Variants in CDC7 observed in about 807,000 individuals in gnomAD.
CDC7 encodes the protein cell division cycle 7-related protein kinase.
A neutral mutation model predicts 53.5 loss-of-function variants in CDC7; 34 were observed. That is an observed-to-expected ratio of 0.64 (90% CI 0.48 to 0.85). The LOEUF (loss-of-function observed/expected upper bound fraction) is 0.85, where lower values mean the gene tolerates loss of function less well. Among genes scored for constraint, CDC7 ranks in the 40% least tolerant of loss-of-function variants. The probability of loss-of-function intolerance (pLI) is 0.00; values close to 1 mark genes in which losing one functional copy is unlikely to be tolerated. For synonymous variants in CDC7, 211 were observed against 222.8 expected (o/e 0.95, Z 0.47); for missense variants, 594 against 679.7 (o/e 0.87, Z 1.40).
At chr1:91,501,520 A>C in intron 1 of CDC7, 134 bp from the exon 2 acceptor site, 1 of 559,732 alleles carries the variant, frequency 1.8e-6, no homozygotes, top group Admixed American at 3.1e-5. Context: ...AGACAAGGCC[A>C]CAGTATGCCC....
rs772887412 is a variant in CDC7 at position 91,524,328 on chromosome 1, G to C, written c.1618G>C (p.Asp540His). 17 of 1,613,908 alleles carry C rather than the reference G, an allele frequency of 1.1e-5. No individual in the cohort carries two copies. The South Asian group carries it at 1.9e-4, about 18-fold the overall frequency. The change falls in exon 12 of 12, where the codon GAT becomes CAT. Residue 540 changes from aspartate to histidine, a missense_variant. By Grantham distance (81) the Asp-to-His change is moderately conservative. Transcript: ENST00000234626. Reference sequence around the variant, plus strand: ...TTTAGAAGGCTGGAATGAGGTACCTGATGAAGCTTATGACCTGCTTGATAA... The same window carrying C: ...TTTAGAAGGCTGGAATGAGGTACCTCATGAAGCTTATGACCTGCTTGATAA... ...TNLEGWNEVP[D>H]EAYDLLDKLL...
chr1:91,525,580 G>C lies in CDC7; in HGVS notation c.*1145G>C, dbSNP rs914956336. 1 of 152,076 alleles carries C rather than the reference G, an allele frequency of 6.6e-6. No homozygotes were observed. The highest frequency in any genetic ancestry group is 2.4e-5 in the African/African-American group (1 of 41,442). The allele number at this position is 152,076 out of a possible 1,614,324, so 9.4% of individuals were successfully genotyped here. A position where few individuals can be genotyped will look rare whatever the true frequency, so the allele number is the denominator to read the frequency against. On this transcript the variant is annotated 3_prime_UTR_variant, in exon 12 of 12. Transcript: ENST00000234626. ...TTAGTAGTCATAGAATACAGAAATA[G>C]TTTAGGGACATGTATTCATTTTGTT...
At position 91,508,413 on chromosome 1, in the gene CDC7, A is replaced by G; in HGVS notation, c.335+16A>G. 2 of 1,593,612 alleles carry G rather than the reference A, an allele frequency of 1.3e-6. No homozygotes were observed. The highest frequency in any genetic ancestry group is 1.1e-5 in the South Asian group (1 of 89,214). On this transcript the variant is annotated intron_variant, in intron 4 of 11. Coordinates refer to ENST00000234626, the MANE Select transcript of CDC7 (RefSeq NM_003503.4). ...CAGTGGCTGGGTAGGCAATTTAAAC[A>G]TATTTTAATTGAACTTGTATATAAT...
At chr1:91,504,155 G>T (rs565243141) in intron 2 of CDC7, among the ~76,000 whole-genome samples, 37 of 146,050 alleles carry the variant, frequency 2.5e-4, no homozygotes, top group Non-Finnish European at 4.5e-4. Flanking sequence ...CACTGTCACT[G>T]GAGTGCAGTG....
At chr1:91,508,576 C>T (rs778380425) in intron 4 of CDC7, among the ~76,000 whole-genome samples, 179 bp downstream of exon 4, 3 of 152,144 alleles carry the variant, frequency 2.0e-5, no homozygotes, top group Non-Finnish European at 4.4e-5. Flanking sequence ...TATAGTAATT[C>T]TTTTAGATTG....
Position 91,515,862 on chromosome 1 carries a change from C to G in CDC7, c.1166C>G (p.Pro389Arg). 1 of 1,613,200 alleles carries G rather than the reference C, an allele frequency of 6.2e-7. No homozygotes were observed. Among genetic ancestry groups the G allele is most frequent in the East Asian group, 2.2e-5 (1 of 44,800 alleles). ...GCACCAGAGGTCTTGACAAAGTGCC[C>G]CAATCAAACTACAGGTATGTTGTAC... ...FRAPEVLTKC[P>R]NQTTAIDMWS... Residue 389 changes from proline to arginine, a missense_variant, in exon 10 of 12, where the codon CCC (proline) becomes CGC (arginine). Transcript: ENST00000234626.
intron 11 of CDC7, among the ~76,000 whole-genome samples, chr1:91,523,101 CAG>C (rs1441109892): frequency 6.6e-6 from 1 of 152,060 alleles, no homozygotes; most frequent in African/African-American, 2.4e-5. Context: ...TTTTTAAAAA[CAG>C]ATCTAGTTTG....
chr1:91,508,416 T>C lies in CDC7; in HGVS notation c.335+19T>C. On this transcript the variant is annotated intron_variant, in intron 4 of 11. Coordinates refer to ENST00000234626, the MANE Select transcript of CDC7 (RefSeq NM_003503.4). ...TGGCTGGGTAGGCAATTTAAACATA[T>C]TTTAATTGAACTTGTATATAATTTA... The C allele has an allele frequency of 1.3e-6, 2 of 1,588,230 alleles. No individual in the cohort carries two copies. Among genetic ancestry groups the C allele is most frequent in the East Asian group, 2.2e-5 (1 of 44,508 alleles).
intron 10 of CDC7, among the ~76,000 whole-genome samples, chr1:91,518,282 A>C (rs1233309392): frequency 1.3e-5 from 2 of 152,080 alleles, no homozygotes; most frequent in African/African-American, 4.8e-5. Flanking sequence ...TAAAGTTTCT[A>C]TAGTGGGAAT....
At chr1:91,511,507 A>G in intron 4 of CDC7, 90 bp from the exon 5 acceptor site, 1 of 709,234 alleles carries the variant, frequency 1.4e-6, no homozygotes. Flanking sequence ...ATATGTATGC[A>G]TTGCTAAAAT....
In CDC7 at chr1:91,503,896, T is replaced by A. The variant is rs13447469; in HGVS notation, c.115+2065T>A. Among the ~76,000 whole-genome samples, 1,502 of 152,244 alleles carry A rather than the reference T, an allele frequency of 9.9e-3. 31 individuals are homozygous for A. Among genetic ancestry groups the A allele is most frequent in the African/African-American group, 0.033 (1,383 of 41,562 alleles). ...TCTTATTTCTGATCTCCATTTTTTT[T>A]AATATATATCTTGAATATTGCTCAT... On this transcript the variant is annotated intron_variant, in intron 2 of 11. Transcript: ENST00000234626.
intron 10 of CDC7, among the ~76,000 whole-genome samples, chr1:91,517,653 A>G (rs1667634078): frequency 6.6e-6 from 1 of 152,228 alleles, no homozygotes; most frequent in South Asian, 2.1e-4. Flanking sequence ...GAATGTCATC[A>G]TTATATAAAT....
intron 10 of CDC7, among the ~76,000 whole-genome samples, chr1:91,516,692 T>C (rs1184945532): frequency 2.6e-5 from 4 of 152,188 alleles, no homozygotes; most frequent in African/African-American, 9.6e-5. Flanking sequence ...AATGACCTCT[T>C]AGAATGTAAA....
intron 2 of CDC7, among the ~76,000 whole-genome samples, chr1:91,504,718 T>C (rs1222534030): frequency 6.6e-6 from 1 of 152,188 alleles, no homozygotes; most frequent in Non-Finnish European, 1.5e-5. Context: ...GCTTATATTA[T>C]GTATTATCCC....
chr1:91,514,066 A>G (rs914303765), intron 8 of CDC7, 23 bp downstream of exon 8: 1 of 1,432,320 alleles, frequency 7.0e-7, no homozygotes, highest in Non-Finnish European at 9.8e-7. Context: ...GCTTAATAGC[A>G]TAATGGTCAG....
intron 2 of CDC7, among the ~76,000 whole-genome samples, chr1:91,502,515 G>A (rs1454730231): frequency 6.6e-6 from 1 of 151,762 alleles, no homozygotes; most frequent in Non-Finnish European, 1.5e-5. Context: ...TTCTGTGCTT[G>A]TCTAAAAGAT....
At chr1:91,522,068 G>A (rs112845955) in intron 11 of CDC7, among the ~76,000 whole-genome samples, 3 of 152,154 alleles carry the variant, frequency 2.0e-5, no homozygotes, top group African/African-American at 4.8e-5. Flanking sequence ...GGGAGGCTGA[G>A]GCAGGAGAAC....
rs753296151 is a variant in CDC7, at chr1:91,513,903, T to A, written c.823-45T>A. 40 of 1,359,046 alleles carry A rather than the reference T, an allele frequency of 2.9e-5. No homozygotes were observed. In the East Asian group the frequency reaches 8.8e-4, roughly 30 times the overall value. 84.2% of individuals were successfully genotyped at this position (1,359,046 alleles called of 1,614,324 possible). ...GGCAGAGTACAGCTGGCAGAAAGTG[T>A]TACAGATATAATCCTTATTTTCCTT... On this transcript the variant is annotated intron_variant, in intron 7 of 11. Transcript: ENST00000234626.
Position 91,515,901 on chromosome 1 carries a change from C to A in CDC7, c.1180+25C>A, listed in dbSNP as rs772415230. On this transcript the variant is annotated intron_variant, in intron 10 of 11. Coordinates refer to ENST00000234626, the MANE Select transcript of CDC7 (RefSeq NM_003503.4). The stretch of plus-strand genomic sequence containing the variant: ...GGTATGTTGTACTGGAAATACAGAA[C>A]CTAGTTAAAATGGATTGTTCCAGAC... 5 of 1,553,240 alleles carry A rather than the reference C, an allele frequency of 3.2e-6. No individual in the cohort carries two copies. The East Asian group carries it at 9.0e-5, about 28-fold the overall frequency.
Sources: allele counts gnomAD v4.1 joint callset (sites outside exome capture counted in the v4.1 genomes callset), GRCh38; gene constraint gnomAD v4.1.1; transcripts MANE v1.5; gene names NCBI Gene and HGNC (gene_info 2026-07-23, HGNC 2026-07-21).